CFAP221: variants seen among roughly 807,000 people sequenced by gnomAD.
CFAP221 encodes the protein cilia and flagella associated protein 221, also known as cilia- and flagella-associated protein 221.
CFAP221 carries 97 observed loss-of-function variants against 113.1 expected under a neutral mutation model. The observed-to-expected ratio is 0.86, with a 90% CI of 0.73 to 1.02. The LOEUF is 1.02. Among genes scored for constraint, CFAP221 ranks in the 50% least tolerant of loss-of-function variants. CFAP221 has a pLI of 0.00. For missense variants in CFAP221, 1,025 were observed against 1,013.4 expected (o/e 1.01, Z -0.16); for synonymous variants, 331 against 354.4 (o/e 0.93, Z 0.74).
chr2:119,601,396 G>T lies in CFAP221; in HGVS notation c.791+19G>T. ...CCTTACCGTATGGCGTCTTTGCAGT[G>T]TTTTTGTTTATTTTTAACCCTTTTT... On this transcript the variant is annotated intron_variant, in intron 8 of 23. Transcript: ENST00000413369. 1 of 1,482,930 alleles carries T rather than the reference G, an allele frequency of 6.7e-7. No homozygotes were observed. Among genetic ancestry groups the T allele is most frequent in the Non-Finnish European group, 9.0e-7 (1 of 1,112,754 alleles). The allele number at this position is 1,482,930 out of a possible 1,614,324, so 91.9% of individuals were successfully genotyped here.
Position 119,639,805 on chromosome 2 carries a change from T to G in CFAP221, c.2158T>G (p.Trp720Gly). ...HTDIIPGIMH[W>G]KSFQSLVLSS... ...GGACATTATTCCCGGAATAATGCAC[T>G]GGAAAAGCTTCCAGTCCCTGGTTCT... Residue 720 changes from tryptophan (W) to glycine (G), a missense_variant, in exon 21 of 24, where the codon TGG (tryptophan) becomes GGG (glycine). By Grantham distance (184) the Trp-to-Gly change is radical. Coordinates refer to ENST00000413369, the MANE Select transcript of CFAP221 (RefSeq NM_001271049.2). 6.2e-7 allele frequency: 1 copy of G among 1,614,146 alleles called. No homozygotes were observed. The highest frequency in any genetic ancestry group is 8.5e-7 in the Non-Finnish European group (1 of 1,180,008).
intron 3 of CFAP221, among the ~76,000 whole-genome samples, chr2:119,555,113 T>A (rs1680694636): frequency 6.6e-6 from 1 of 152,222 alleles, no homozygotes; most frequent in Non-Finnish European, 1.5e-5. Context: ...CTACAAATCC[T>A]GAGTAATGGC....
chr2:119,658,545 T>A (rs1688523826), downstream of CFAP221, among the ~76,000 whole-genome samples: 1 of 151,972 alleles, frequency 6.6e-6, no homozygotes, highest in Non-Finnish European at 1.5e-5. Context: ...GCTACTGTGG[T>A]CCAATTGCTT....
chr2:119,591,692 C>T (rs1683609909), intron 7 of CFAP221, among the ~76,000 whole-genome samples: 1 of 152,208 alleles, frequency 6.6e-6, no homozygotes, highest in South Asian at 2.1e-4. Context: ...TTACCTCACA[C>T]CTCTACTGCC....
At position 119,639,893 on chromosome 2, in the gene CFAP221, T is replaced by A; in HGVS notation, c.2225+21T>A. 2.5e-6 allele frequency: 4 copies of A among 1,597,896 alleles called. No individual in the cohort carries two copies. In the South Asian group the frequency reaches 4.4e-5, roughly 18 times the overall value. ...AAGAGGTAAGCACAGCTCATCTGTT[T>A]GCTCACGAGTATGTGTGCCCCATGT... On this transcript the variant is annotated intron_variant, in intron 21 of 23. Transcript: ENST00000413369.
intron 6 of CFAP221, among the ~76,000 whole-genome samples, chr2:119,567,655 TTGTA>T (rs199695410): frequency 0.013 from 1,990 of 152,264 alleles, 45 homozygotes; most frequent in African/African-American, 0.046. Context: ...GATTATTGGA[TTGTA>T]TGGTAAGAGT....
chr2:119,603,020 A>G (rs1252240795), intron 8 of CFAP221, among the ~76,000 whole-genome samples: 1 of 152,144 alleles, frequency 6.6e-6, no homozygotes. Context: ...TCTCTCCAAA[A>G]CTGCAAATAA....
At chr2:119,579,518 A>G (rs17049444) in intron 6 of CFAP221, among the ~76,000 whole-genome samples, 29,977 of 152,152 alleles carry the variant, frequency 0.2, 3,136 homozygotes, top group African/African-American at 0.25. Flanking sequence ...GGCCATGCAA[A>G]CTAATTTGAC....
intron 20 of CFAP221, among the ~76,000 whole-genome samples, chr2:119,639,359 C>G (rs1185893165): frequency 1.3e-5 from 2 of 152,240 alleles, no homozygotes; most frequent in African/African-American, 4.8e-5. Flanking sequence ...TGCACTCAGC[C>G]CAGCCGGGGG....
intron 6 of CFAP221, among the ~76,000 whole-genome samples, chr2:119,569,428 T>C (rs1265990018): frequency 6.6e-6 from 1 of 151,724 alleles, no homozygotes; most frequent in Non-Finnish European, 1.5e-5. Flanking sequence ...TCTTTCAATA[T>C]TTTTTTTTCT....
chr2:119,652,036 C>A lies in CFAP221; in HGVS notation c.2381C>A (p.Pro794His). 6.2e-7 allele frequency: 1 copy of A among 1,613,056 alleles called. No individual in the cohort carries two copies. Among genetic ancestry groups the A allele is most frequent in the South Asian group, 1.1e-5 (1 of 90,922 alleles). The change falls in exon 23 of 24, where the codon CCT (proline) becomes CAT (histidine). Residue 794 changes from proline to histidine, a missense_variant. Pro to His is a moderately conservative substitution (Grantham distance 77). Transcript: ENST00000413369. ...LTPEMIKVEF[P>H]MLNYKDIRKE... The stretch of plus-strand genomic sequence containing the variant: ...CCAGAAATGATCAAAGTGGAATTCC[C>A]TATGTTGAACTACAAGGACATCAGG...
At chr2:119,593,867 C>A (rs1452119681) in intron 7 of CFAP221, among the ~76,000 whole-genome samples, 4 of 151,012 alleles carry the variant, frequency 2.6e-5, no homozygotes, top group East Asian at 1.9e-4. Flanking sequence ...ACAACAACAA[C>A]AAAAAAAACC....
At chr2:119,639,453 C>G (rs1687340849) in intron 20 of CFAP221, among the ~76,000 whole-genome samples, 1 of 152,222 alleles carries the variant, frequency 6.6e-6, no homozygotes, top group Non-Finnish European at 1.5e-5. Context: ...GCCATCCTCT[C>G]CAAGTGTTGC....
At chr2:119,595,485 A>C (rs1683895647) in intron 7 of CFAP221, among the ~76,000 whole-genome samples, 1 of 152,034 alleles carries the variant, frequency 6.6e-6, no homozygotes, top group Admixed American at 6.5e-5. Flanking sequence ...GTTGAGCTGA[A>C]GCTTTACTTC....
At chr2:119,548,975 C>T in intron 2 of CFAP221, 110 bp from the exon 3 acceptor site, 1 of 666,820 alleles carries the variant, frequency 1.5e-6, no homozygotes, top group Non-Finnish European at 2.3e-6. Context: ...CTGCAATTTT[C>T]ATATGCTTAA....
intron 3 of CFAP221, among the ~76,000 whole-genome samples, chr2:119,556,411 G>A (rs1039336483): frequency 2.6e-5 from 4 of 152,042 alleles, no homozygotes; most frequent in African/African-American, 9.7e-5. Context: ...TGATCCAAAT[G>A]AACAATTCCA....
intron 7 of CFAP221, among the ~76,000 whole-genome samples, chr2:119,593,575 T>C (rs1166171670): frequency 1.3e-5 from 2 of 152,030 alleles, no homozygotes; most frequent in Non-Finnish European, 2.9e-5. Context: ...CATGGTGGCT[T>C]ACGCCTGTAA....
At chr2:119,627,182 A>G (rs1574173285) in intron 15 of CFAP221, among the ~76,000 whole-genome samples, 1 of 150,494 alleles carries the variant, frequency 6.6e-6, no homozygotes, top group Admixed American at 6.6e-5. Flanking sequence ...GCACAACCAC[A>G]CTCCCGTCTG....
At chr2:119,572,402 A>C (rs796275942) in intron 6 of CFAP221, 2 of 510,560 alleles carry the variant, frequency 3.9e-6, no homozygotes, top group East Asian at 5.7e-5. Context: ...TATCTTAAAG[A>C]GTATTATAGA....
Sources: allele counts gnomAD v4.1 joint callset (sites outside exome capture counted in the v4.1 genomes callset), GRCh38; gene constraint gnomAD v4.1.1; transcripts MANE v1.5; gene names NCBI Gene and HGNC (gene_info 2026-07-23, HGNC 2026-07-21).